Variants in CUL3 observed in about 807,000 individuals in gnomAD.
CUL3 encodes cullin 3, also known as cullin-3.
CUL3 carries 19 observed loss-of-function variants against 89.1 expected under a neutral mutation model. The observed-to-expected ratio is 0.21, with a 90% CI of 0.15 to 0.31. CUL3 has a LOEUF of 0.31. Ranked by LOEUF, CUL3 falls within the 10% of genes least tolerant of loss-of-function variation. The pLI is 1.00. For synonymous variants in CUL3, 351 were observed against 308.4 expected, an observed-to-expected ratio of 1.14 and a Z score of -1.45; for missense variants, 469 against 942.3, an observed-to-expected ratio of 0.50 and a Z score of 6.58.
intron 1 of CUL3, among the ~76,000 whole-genome samples, chr2:224,561,804 T>C (rs1389372746): frequency 2.0e-5 from 3 of 152,196 alleles, no homozygotes; most frequent in East Asian, 1.9e-4. Flanking sequence ...TCAAATACCA[T>C]AGCTACGTAC....
chr2:224,515,342 C>G (rs1372381431), intron 3 of CUL3, among the ~76,000 whole-genome samples: 2 of 152,196 alleles, frequency 1.3e-5, no homozygotes, highest in African/African-American at 4.8e-5. Context: ...ACAGATATCT[C>G]AGTTTATAAA....
chr2:224,582,409 A>G (rs1382259225), intron 1 of CUL3, among the ~76,000 whole-genome samples: 3 of 152,374 alleles, frequency 2.0e-5, no homozygotes, highest in South Asian at 4.1e-4. Flanking sequence ...TAAATCTATG[A>G]AACACCCTAA....
At chr2:224,530,152 T>C (rs1693638151) in intron 3 of CUL3, among the ~76,000 whole-genome samples, 1 of 152,200 alleles carries the variant, frequency 6.6e-6, no homozygotes, top group Admixed American at 6.5e-5. Flanking sequence ...GGCAGGAGAA[T>C]GGCGTGAACC....
At chr2:224,476,761 C>T (rs780810749) in intron 15 of CUL3, among the ~76,000 whole-genome samples, 1 of 152,168 alleles carries the variant, frequency 6.6e-6, no homozygotes, top group Non-Finnish European at 1.5e-5. Context: ...CCCTTCATCT[C>T]ATTTTTTTCA....
intron 3 of CUL3, among the ~76,000 whole-genome samples, chr2:224,531,430 T>C (rs1454802933): frequency 2.9e-5 from 4 of 137,676 alleles, no homozygotes; most frequent in Non-Finnish European, 6.6e-5. Context: ...AAAGTGTAGT[T>C]TATTTAAAAA....
At chr2:224,495,118 A>ACAT (rs937824926) in intron 13 of CUL3, 13 of 149,410 alleles carry the variant, frequency 8.7e-5, no homozygotes, top group South Asian at 4.3e-4. Flanking sequence ...AAGATGCTCA[A>ACAT]CATCATCATC....
At chr2:224,510,299 G>GTTT (rs66793446) in intron 6 of CUL3, among the ~76,000 whole-genome samples, 5 of 115,312 alleles carry the variant, frequency 4.3e-5, no homozygotes, top group African/African-American at 1.5e-4. Context: ...AGTTTTTTTT[G>GTTT]TTTTTTTTTT....
chr2:224,563,230 T>C (rs1389311576), intron 1 of CUL3: 1 of 471,312 alleles, frequency 2.1e-6, no homozygotes, highest in Admixed American at 2.4e-5. Context: ...AAAACATTAT[T>C]CCCCTACATC....
chr2:224,501,294 A>G (rs996906328), intron 10 of CUL3, among the ~76,000 whole-genome samples: 3 of 152,230 alleles, frequency 2.0e-5, no homozygotes, highest in African/African-American at 7.2e-5. Flanking sequence ...CTCTGCATAC[A>G]GATCCAGTGC....
chr2:224,577,825 C>T (rs1026294972), intron 1 of CUL3, among the ~76,000 whole-genome samples: 2 of 152,072 alleles, frequency 1.3e-5, no homozygotes, highest in East Asian at 1.9e-4. Context: ...ATACATTATG[C>T]TGGGTAAGAT....
chr2:224,547,763 T>C (rs191680159), intron 2 of CUL3, among the ~76,000 whole-genome samples: 2 of 152,244 alleles, frequency 1.3e-5, no homozygotes, highest in East Asian at 1.9e-4. Context: ...TTAATTTTAA[T>C]GTTTTCCATT....
intron 6 of CUL3, 109 bp from the exon 7 acceptor site, chr2:224,507,112 T>G: frequency 1.1e-6 from 1 of 908,662 alleles, no homozygotes; most frequent in South Asian, 2.2e-5. Flanking sequence ...TTACCCCCAT[T>G]TGCTGACCAC....
In CUL3 at chr2:224,583,593, A is replaced by G. The variant is rs561219936; in HGVS notation, c.66+1351T>C. 2.9e-4 allele frequency among the ~76,000 whole-genome samples: 44 copies of G among 152,330 alleles called. 1 individual carries two copies. Among genetic ancestry groups the G allele is most frequent in the Admixed American group, 3.9e-4 (6 of 15,292 alleles). On this transcript the variant is annotated intron_variant, in intron 1 of 15. Transcript: ENST00000264414. ...GTTTGAAACATTCAAAAAATCTTTAATTATTATCAAAACACTTATTCTCCT... is the reference window on the plus strand; with the variant it reads ...GTTTGAAACATTCAAAAAATCTTTAGTTATTATCAAAACACTTATTCTCCT...
Position 224,471,149 on chromosome 2 carries a change from C to G in CUL3, c.*3096G>C, listed in dbSNP as rs886055681. 53 of 214,590 alleles carry G rather than the reference C, an allele frequency of 2.5e-4. No homozygotes were observed. Among genetic ancestry groups the G allele is most frequent in the Middle Eastern group, 1.5e-3 (1 of 688 alleles). The allele number at this position is 214,590 out of a possible 1,614,324, so 13.3% of individuals were successfully genotyped here. The stretch of plus-strand genomic sequence containing the variant: ...TGCTGACCTGAAATGTTTTAACATT[C>G]GTATTTACAGAATGCAAAATACTAT... On this transcript the variant is annotated 3_prime_UTR_variant, in exon 16 of 16. Coordinates refer to ENST00000264414, the MANE Select transcript of CUL3 (RefSeq NM_003590.5).
chr2:224,475,326 T>C (rs1691276041), intron 15 of CUL3, among the ~76,000 whole-genome samples: 1 of 152,330 alleles, frequency 6.6e-6, no homozygotes, highest in East Asian at 1.9e-4. Context: ...CTATTTAATG[T>C]TCTTAACCCT....
intron 3 of CUL3, among the ~76,000 whole-genome samples, chr2:224,528,418 C>G (rs746053811): frequency 2.7e-4 from 41 of 152,292 alleles, no homozygotes; most frequent in Non-Finnish European, 5.1e-4. Flanking sequence ...AGGGGAACAG[C>G]CCAGGATAAT....
At chr2:224,513,696 A>C in intron 4 of CUL3, 58 bp from the exon 5 acceptor site, 3 of 1,246,896 alleles carry the variant, frequency 2.4e-6, no homozygotes, top group Non-Finnish European at 1.1e-6. Context: ...ATTCACATAA[A>C]AATTACAAAA....
intron 6 of CUL3, among the ~76,000 whole-genome samples, chr2:224,508,258 C>A (rs1342719847): frequency 6.6e-6 from 1 of 152,070 alleles, no homozygotes; most frequent in Non-Finnish European, 1.5e-5. Context: ...TTTTACTAAA[C>A]TTTATTTCAG....
At chr2:224,497,178 AT>A (rs1404859771) in intron 12 of CUL3, among the ~76,000 whole-genome samples, 1 of 152,114 alleles carries the variant, frequency 6.6e-6, no homozygotes, top group African/African-American at 2.4e-5. Flanking sequence ...AAGACTTAAT[AT>A]TTTCTGAAGG....
Sources: gnomAD v4.1 joint callset for allele counts (sites outside exome capture counted in the v4.1 genomes callset) on GRCh38, gnomAD v4.1.1 for gene constraint, MANE v1.5 for transcripts, NCBI Gene and HGNC (gene_info 2026-07-23, HGNC 2026-07-21) for gene names.